The following LMNTD2 variants were observed in gnomAD, a reference collection of about 807,000 sequenced individuals.
LMNTD2 encodes the protein lamin tail domain-containing protein 2.
LMNTD2 carries 83 observed loss-of-function variants against 70.1 expected under a neutral mutation model. The ratio of observed to expected loss-of-function variants is 1.18; its 90% CI spans 0.99 to 1.42. The LOEUF is 1.42. Among genes scored for constraint, LMNTD2 ranks in the 40% most tolerant of loss-of-function variants. The pLI is 0.00. For missense variants in LMNTD2, 1,153 were observed against 905.9 expected, an observed-to-expected ratio of 1.27 and a Z score of -3.50; for synonymous variants, 534 against 406.1, an observed-to-expected ratio of 1.31 and a Z score of -3.79.
In LMNTD2 at chr11:555,435, G is replaced by GGCC; in HGVS notation, c.1640_1642dup (p.Arg547dup). The GGCC allele has an allele frequency of 7.2e-7, 1 of 1,386,956 alleles. No individual in the cohort carries two copies. Among genetic ancestry groups the GGCC allele is most frequent in the Non-Finnish European group, 9.3e-7 (1 of 1,076,780 alleles). 85.9% of individuals were successfully genotyped at this position (1,386,956 alleles called of 1,614,324 possible). ...CGGCGCGGGGATCTCGGGGTTCTCG[G>GGCC]GCCGCGCAGGCCCCTCCCGCGCGTG... On this transcript the variant is annotated inframe_insertion, in exon 13 of 14. Coordinates refer to ENST00000329451, the MANE Select transcript of LMNTD2 (RefSeq NM_173573.3).
chr11:556,052 CG>C lies in LMNTD2; in HGVS notation c.1320del (p.Val441PhefsTer14). ...KPLRASSSRE[P>X]VPLLSIRGCA... ...CAGCCGCGGATGGAGAGGAGGGGAACGGGCTCCCGGCTCGAGGACGCGCGCA... is the reference window on the plus strand; with the variant it reads ...CAGCCGCGGATGGAGAGGAGGGGAACGGCTCCCGGCTCGAGGACGCGCGCA... On this transcript the variant is annotated frameshift_variant, in exon 11 of 14. Transcript: ENST00000329451. LOFTEE classifies it high-confidence loss of function. 1 of 1,551,628 alleles carries C rather than the reference CG, an allele frequency of 6.4e-7. No homozygotes were observed.
intron 1 of LMNTD2, chr11:559,886 A>G (rs1853165905): frequency 2.0e-6 from 1 of 510,008 alleles, no homozygotes; most frequent in Non-Finnish European, 2.6e-6. Context: ...CCGCCTCCTG[A>G]CTTGCTGAAA....
In LMNTD2 at chr11:558,641, T is replaced by C. The variant is rs1469211443; in HGVS notation, c.284A>G (p.Glu95Gly). The C allele has an allele frequency of 8.1e-6, 13 of 1,607,940 alleles. No individual in the cohort carries two copies. Among genetic ancestry groups the C allele is most frequent in the Non-Finnish European group, 1.1e-5 (13 of 1,178,708 alleles). Residue 95 changes from glutamate (E) to glycine (G), a missense_variant, in exon 3 of 14, where the codon GAA (glutamate) becomes GGA (glycine). Glu to Gly is a moderately conservative substitution (Grantham distance 98). Transcript: ENST00000329451. The stretch of plus-strand genomic sequence containing the variant: ...CTTGGGCGGAAGCCCCGCCACCTCT[T>C]CCAGGATGTGGCAGAGCCGGGCGTC... ...GEDARLCHIL[E>G]EVAGLPPKRS... is the part of the protein sequence containing the mutation.
chr11:557,096 G>A lies in LMNTD2; in HGVS notation c.715C>T (p.Gln239Ter). 1 of 1,590,220 alleles carries A rather than the reference G, an allele frequency of 6.3e-7. No homozygotes were observed. The highest frequency in any genetic ancestry group is 8.6e-7 in the Non-Finnish European group (1 of 1,167,572). Residue 239 changes from glutamine (Q) to a stop codon, truncating the protein, a stop_gained and splice_region_variant, in exon 8 of 14, where the codon CAG becomes TAG. Coordinates refer to ENST00000329451, the MANE Select transcript of LMNTD2 (RefSeq NM_173573.3). LOFTEE classifies it high-confidence loss of function. ...TCCAGCTGTGGCCAGGGCCGGGGCT[G>A]CCTGTGGACCACGCTCTGCTTGATG... is the stretch of plus-strand genomic sequence containing the variant. ...TNMEPSSKQK[Q>*]PRPWPQLDTG...
intron 5 of LMNTD2, 90 bp from the exon 6 acceptor site, chr11:557,730 T>A (rs748980472): frequency 2.3e-5 from 37 of 1,594,158 alleles, no homozygotes; most frequent in Non-Finnish European, 3.2e-5. Flanking sequence ...CTTTGAGGCC[T>A]CCTGATTCCT....
In LMNTD2 at chr11:558,052, G is replaced by A; in HGVS notation, c.400-13C>T. 1.3e-6 allele frequency: 2 copies of A among 1,584,420 alleles called. No homozygotes were observed. Among genetic ancestry groups the A allele is most frequent in the South Asian group, 1.2e-5 (1 of 86,804 alleles). ...GGTGCTCCTTCTCCTGCTCCGAGAGGGCCTGTGGTTGGTGGTGGGGGGGTG... is the reference window on the plus strand; with the variant it reads ...GGTGCTCCTTCTCCTGCTCCGAGAGAGCCTGTGGTTGGTGGTGGGGGGGTG... On this transcript the variant is annotated splice_polypyrimidine_tract_variant and intron_variant, in intron 4 of 13. Transcript: ENST00000329451.
At chr11:555,568 G>A in intron 12 of LMNTD2, 65 bp from the exon 13 acceptor site, 3 of 1,304,502 alleles carry the variant, frequency 2.3e-6, no homozygotes, top group Non-Finnish European at 2.0e-6. Flanking sequence ...AGGGCTCCGC[G>A]CCTGGGGCGG....
chr11:557,359 C>G (rs372445124), intron 7 of LMNTD2, 40 bp downstream of exon 7: 1 of 1,557,658 alleles, frequency 6.4e-7, no homozygotes, highest in South Asian at 1.2e-5. Context: ...GGTGAGCCCT[C>G]CCTTCTGGCC....
At position 556,945 on chromosome 11, in the gene LMNTD2, C is replaced by G. The variant is rs149320763; in HGVS notation, c.866G>C (p.Arg289Pro). ...CTGCACGAAGGAAGGCAGGCCCGGC[C>G]GGCAGCTGCTGGAGTCGGAGTCAGC... ...GGADSDSSSC[R>P]PGLPSFVQVI... Residue 289 changes from arginine to proline, a missense_variant, in exon 8 of 14, where the codon CGG becomes CCG. Coordinates refer to ENST00000329451, the MANE Select transcript of LMNTD2 (RefSeq NM_173573.3). 6.2e-7 allele frequency: 1 copy of G among 1,601,506 alleles called. No homozygotes were observed. The highest frequency in any genetic ancestry group is 1.3e-5 in the African/African-American group (1 of 74,848).
At chr11:560,521 C>A in intron 1 of LMNTD2, 162 bp downstream of exon 1, 1 of 1,276,246 alleles carries the variant, frequency 7.8e-7, no homozygotes. Flanking sequence ...TGCGGTAGGC[C>A]CCAAAGGCTG....
In LMNTD2 at chr11:555,979, CG is replaced by C; in HGVS notation, c.1377+16del. 1.9e-6 allele frequency: 3 copies of C among 1,554,004 alleles called. No homozygotes were observed. Among genetic ancestry groups the C allele is most frequent in the Admixed American group, 1.8e-5 (1 of 54,374 alleles). On this transcript the variant is annotated intron_variant, in intron 11 of 13. Coordinates refer to ENST00000329451, the MANE Select transcript of LMNTD2 (RefSeq NM_173573.3). ...CACACCCCAGCCCCGGCCGCCCCACCGGGGACCCGCACCGACCTCGCCCTTG... is the reference window on the plus strand; with the variant it reads ...CACACCCCAGCCCCGGCCGCCCCACCGGGACCCGCACCGACCTCGCCCTTG...
chr11:557,019 G>C lies in LMNTD2; in HGVS notation c.792C>G (p.Thr264=), dbSNP rs774150499. The change falls in exon 8 of 14, where the codon ACC becomes ACG. Residue 264 remains threonine (T), a synonymous_variant. Transcript: ENST00000329451. ...SGKHSERHHK[T]VEWGSLPCLN... ...GACAGGGCAGGGAGCCCCACTCCACGGTCTTGTGATGCCGCTCGGAATGCT... is the reference window on the plus strand; with the variant it reads ...GACAGGGCAGGGAGCCCCACTCCACCGTCTTGTGATGCCGCTCGGAATGCT... The C allele has an allele frequency of 1.2e-5, 19 of 1,609,550 alleles. No individual in the cohort carries two copies. The highest frequency in any genetic ancestry group is 1.6e-5 in the Non-Finnish European group (19 of 1,179,066).
chr11:559,754 TTTAAA>T (rs1853159769), intron 1 of LMNTD2: 2 of 1,052,256 alleles, frequency 1.9e-6, no homozygotes, highest in South Asian at 6.1e-5. Context: ...ACAGCCTGTT[TTTAAA>T]TTAATAATTA....
Position 558,686 on chromosome 11 carries a change from C to A in LMNTD2, c.239G>T (p.Trp80Leu). The change falls in exon 3 of 14, where the codon TGG becomes TTG. Residue 80 changes from tryptophan (W) to leucine (L), a missense_variant. Transcript: ENST00000329451. ...QRELEIQALR[W>L]AIQNGEDARL... ...GGCGTCCTCGCCATTCTGGATGGCC[C>A]ACCGCAAGGCCTGGATCTCCAGTTC... 1 of 1,605,044 alleles carries A rather than the reference C, an allele frequency of 6.2e-7. No individual in the cohort carries two copies. Among genetic ancestry groups the A allele is most frequent in the Non-Finnish European group, 8.5e-7 (1 of 1,176,938 alleles).
In LMNTD2 at chr11:554,923, C is replaced by T. The variant is rs556446082; in HGVS notation, c.*57G>A. On this transcript the variant is annotated 3_prime_UTR_variant, in exon 14 of 14. Transcript: ENST00000329451. ...AAATGATGCAGCGGACACAGCCCGC[C>T]CAGCCCCGGCGCCCGCCCGCGCCCT... 2 of 1,320,388 alleles carry T rather than the reference C, an allele frequency of 1.5e-6. No individual in the cohort carries two copies. Among genetic ancestry groups the T allele is most frequent in the Non-Finnish European group, 2.0e-6 (2 of 997,190 alleles). 81.8% of individuals were successfully genotyped at this position (1,320,388 alleles called of 1,614,324 possible).
Position 556,309 on chromosome 11 carries a change from C to T in LMNTD2, c.1140G>A (p.Ser380=). The T allele has an allele frequency of 6.5e-7, 1 of 1,535,662 alleles. No individual in the cohort carries two copies. The highest frequency in any genetic ancestry group is 8.7e-7 in the Non-Finnish European group (1 of 1,146,676). Residue 380 remains serine, a synonymous_variant, in exon 10 of 14, where the codon TCG becomes TCA. Coordinates refer to ENST00000329451, the MANE Select transcript of LMNTD2 (RefSeq NM_173573.3). The part of the protein sequence containing the change: ...REKFVRIFNP[S]QESTADLSGM... Reference sequence around the variant, plus strand: ...CGCTCAGGTCGGCCGTGCTCTCCTGCGACGGGTTGAAGATGCGGACGAACT... The same window carrying T: ...CGCTCAGGTCGGCCGTGCTCTCCTGTGACGGGTTGAAGATGCGGACGAACT...
Position 558,775 on chromosome 11 carries a change from G to A in LMNTD2, c.159-9C>T, listed in dbSNP as rs1467315849. On this transcript the variant is annotated splice_polypyrimidine_tract_variant and intron_variant, in intron 2 of 13. Coordinates refer to ENST00000329451, the MANE Select transcript of LMNTD2 (RefSeq NM_173573.3). The stretch of plus-strand genomic sequence containing the variant: ...GGGACTCAAGAGCCAACCTGCAGCG[G>A]CAGCAGACCCTGCTGCTTACTCAGG... 2 of 1,603,120 alleles carry A rather than the reference G, an allele frequency of 1.2e-6. No homozygotes were observed. The highest frequency in any genetic ancestry group is 3.3e-5 in the Admixed American group (2 of 59,712).
In LMNTD2 at chr11:559,698, C is replaced by G. The variant is rs113317441; in HGVS notation, c.35-719G>C. 3.2e-3 allele frequency: 3,688 copies of G among 1,165,332 alleles called. 89 individuals carry two copies. In the African/African-American group the frequency reaches 0.054, roughly 17 times the overall value. 72.2% of individuals were successfully genotyped at this position (1,165,332 alleles called of 1,614,324 possible). A position where few individuals can be genotyped will look rare whatever the true frequency, so the allele number is the denominator to read the frequency against. On this transcript the variant is annotated intron_variant, in intron 1 of 13. Coordinates refer to ENST00000329451, the MANE Select transcript of LMNTD2 (RefSeq NM_173573.3). ...GAAGCAGACAGGTAACAGTGACAAG[C>G]TGGGGACTGTGCTGAACGCTAACTG...
chr11:555,145 CGGGGCGGGGACGGGAGGGGA>C, intron 13 of LMNTD2, 34 bp from the exon 14 acceptor site: 2 of 261,588 alleles, frequency 7.6e-6, no homozygotes, highest in Non-Finnish European at 1.1e-5. Flanking sequence ...GCGCGCGGGG[CGGGGCGGGGACGGGAGGGGA>C]GGGGAGGGGA....
Sources: gnomAD v4.1 joint callset for allele counts on GRCh38, gnomAD v4.1.1 for gene constraint, MANE v1.5 for transcripts, NCBI Gene and HGNC (gene_info 2026-07-23, HGNC 2026-07-21) for gene names.